BACH1: variants seen among roughly 807,000 people sequenced by gnomAD.
The protein encoded by BACH1 is BTB domain and CNC homolog 1.
A neutral mutation model predicts 52.9 loss-of-function variants in BACH1; 35 were observed. The ratio of observed to expected loss-of-function variants is 0.66; its 90% confidence interval spans 0.51 to 0.88. The LOEUF (loss-of-function observed/expected upper bound fraction) is 0.88. BACH1 is among the 40% of genes least tolerant of loss of function. BACH1 has a pLI of 0.00. For synonymous variants in BACH1, 321 were observed against 319.6 expected (o/e 1.00, Z -0.05); for missense variants, 808 against 872.6 (o/e 0.93, Z 0.93).
intron 2 of BACH1, among the ~76,000 whole-genome samples, chr21:29,353,000 ACTG>A (rs2089212421): frequency 2.0e-5 from 3 of 152,086 alleles, no homozygotes; most frequent in Admixed American, 2.0e-4. Context: ...GGCATGAGCC[ACTG>A]TGTCCAGCCT....
At chr21:29,308,890 G>A (rs2088688406) in intron 1 of BACH1, among the ~76,000 whole-genome samples, 1 of 152,146 alleles carries the variant, frequency 6.6e-6, no homozygotes, top group Admixed American at 6.5e-5. Flanking sequence ...TTTAAGTTGA[G>A]CACAGTTTAG....
intron 2 of BACH1, among the ~76,000 whole-genome samples, chr21:29,360,858 A>C (rs548973999): frequency 3.0e-4 from 45 of 151,486 alleles, no homozygotes; most frequent in East Asian, 3.9e-4. Flanking sequence ...AAAAAAAAAA[A>C]AAACAAAAAA....
At chr21:29,347,184 T>G (rs1364597221), downstream of BACH1, among the ~76,000 whole-genome samples, 2 of 152,224 alleles carry the variant, frequency 1.3e-5, no homozygotes, top group Non-Finnish European at 2.9e-5. Context: ...ATATCGCTGA[T>G]GGAACCCAGC....
At chr21:29,326,027 G>A in intron 2 of BACH1, 32 bp from the exon 3 acceptor site, 3 of 1,557,660 alleles carry the variant, frequency 1.9e-6, no homozygotes, top group Non-Finnish European at 2.6e-6. Context: ...GCTTTCAAAT[G>A]ATGTGTTTGT....
At chr21:29,336,221 A>C (rs1465468958) in intron 4 of BACH1, among the ~76,000 whole-genome samples, 1 of 152,160 alleles carries the variant, frequency 6.6e-6, no homozygotes, top group Non-Finnish European at 1.5e-5. Flanking sequence ...TAAATGTCTT[A>C]CTTTAAGTTA....
chr21:29,303,645 A>G (rs2088625733), intron 1 of BACH1, among the ~76,000 whole-genome samples: 2 of 152,236 alleles, frequency 1.3e-5, no homozygotes, highest in African/African-American at 4.8e-5. Flanking sequence ...CTCCTAAGAT[A>G]GACATAAAAC....
rs2088622458 is a variant in BACH1 at position 29,303,271 on chromosome 21, A to G, written c.-61+4318A>G. 2.6e-5 allele frequency among the ~76,000 whole-genome samples: 4 copies of G among 152,340 alleles called. No individual in the cohort carries two copies. The South Asian group carries it at 8.3e-4, about 32-fold the overall frequency. ...ACATATTTATCGTATAGCTTTTTGT[A>G]CCTGTTAGTAATTCAGAAAGGTTGT... On this transcript the variant is annotated intron_variant, in intron 1 of 4. Coordinates refer to ENST00000286800, the MANE Select transcript of BACH1 (RefSeq NM_001186.4).
chr21:29,302,799 C>T (rs977470750), intron 1 of BACH1, among the ~76,000 whole-genome samples: 2 of 152,178 alleles, frequency 1.3e-5, no homozygotes, highest in Non-Finnish European at 2.9e-5. Context: ...ACTGGAAAAA[C>T]AACCCGGGGA....
At chr21:29,310,056 A>G (rs919497971) in intron 1 of BACH1, among the ~76,000 whole-genome samples, 3 of 152,092 alleles carry the variant, frequency 2.0e-5, no homozygotes, top group Non-Finnish European at 4.4e-5. Context: ...TTAGATTTCT[A>G]TAAAATTTAA....
intron 1 of BACH1, among the ~76,000 whole-genome samples, chr21:29,313,329 A>G (rs2088749140): frequency 6.6e-6 from 1 of 152,258 alleles, no homozygotes; most frequent in Admixed American, 6.5e-5. Flanking sequence ...TGGAATTGTC[A>G]TACACTGCTG....
chr21:29,310,696 A>G (rs2088710842), intron 1 of BACH1, among the ~76,000 whole-genome samples: 1 of 152,242 alleles, frequency 6.6e-6, no homozygotes, highest in Non-Finnish European at 1.5e-5. Flanking sequence ...CAGGAAAGGA[A>G]TGATCAACTT....
rs1043269819 is a variant in BACH1 at position 29,344,935 on chromosome 21, A to G, written c.*2102A>G. ...AAGATTACCTACTATTTTATGATAA[A>G]ATGTAGTTGTCTCCAGAGCTTAAAT... On this transcript the variant is annotated 3_prime_UTR_variant, in exon 5 of 5. Coordinates refer to ENST00000286800, the MANE Select transcript of BACH1 (RefSeq NM_001186.4). The G allele has an allele frequency of 4.6e-5, 7 of 152,622 alleles. No homozygotes were observed. Among genetic ancestry groups the G allele is most frequent in the African/African-American group, 1.4e-4 (6 of 41,432 alleles). The allele number at this position is 152,622 out of a possible 1,614,324, so 9.5% of individuals were successfully genotyped here.
At chr21:29,357,119 A>G (rs1235054494) in intron 2 of BACH1, among the ~76,000 whole-genome samples, 2 of 152,212 alleles carry the variant, frequency 1.3e-5, no homozygotes, top group African/African-American at 4.8e-5. Context: ...TTAGATAAGC[A>G]TACTTGCTAT....
At chr21:29,340,986 AAG>A (rs1241596324) in intron 4 of BACH1, among the ~76,000 whole-genome samples, 2 of 151,960 alleles carry the variant, frequency 1.3e-5, no homozygotes, top group African/African-American at 2.4e-5. Context: ...AAAAAAAAAA[AAG>A]AACTTGTATA....
intron 4 of BACH1, among the ~76,000 whole-genome samples, chr21:29,334,845 C>T (rs905293655): frequency 1.3e-5 from 2 of 152,126 alleles, no homozygotes; most frequent in East Asian, 3.8e-4. Context: ...AAAAATAAAC[C>T]TGTCCTATTC....
At chr21:29,354,293 T>TCTCA (rs2089220417) in intron 2 of BACH1, among the ~76,000 whole-genome samples, 1 of 143,560 alleles carries the variant, frequency 7.0e-6, no homozygotes, top group Non-Finnish European at 1.5e-5. Flanking sequence ...GTCCAGACCT[T>TCTCA]CTCAGGTATA....
intron 4 of BACH1, among the ~76,000 whole-genome samples, chr21:29,340,898 A>G (rs1329722806): frequency 6.6e-6 from 1 of 152,206 alleles, no homozygotes; most frequent in African/African-American, 2.4e-5. Context: ...CATAAGAGAA[A>G]ATGTACTGGC....
chr21:29,327,284 C>T lies in BACH1; in HGVS notation c.1460C>T (p.Pro487Leu). ...GGAAACGATGATTATGTTTCAGAAC[C>T]CCAGCAAGAACCTTGCCCATATGCT... ...EIGNDDYVSE[P>L]QQEPCPYACV... Residue 487 changes from proline (P) to leucine (L), a missense_variant, in exon 3 of 5, where the codon CCC (proline) becomes CTC (leucine). Physicochemically the swap from Pro to Leu is moderately conservative, Grantham distance 98 (BLOSUM62 -3). Transcript: ENST00000286800. The T allele has an allele frequency of 6.2e-7, 1 of 1,614,128 alleles. No individual in the cohort carries two copies. Among genetic ancestry groups the T allele is most frequent in the Admixed American group, 1.7e-5 (1 of 60,010 alleles).
intron 2 of BACH1, among the ~76,000 whole-genome samples, chr21:29,351,240 T>C (rs772110252): frequency 6.6e-6 from 1 of 152,188 alleles, no homozygotes; most frequent in Non-Finnish European, 1.5e-5. Flanking sequence ...CATCTTGATA[T>C]GCAGGTTTCC....
Sources: allele counts gnomAD v4.1 joint callset (sites outside exome capture counted in the v4.1 genomes callset), GRCh38; gene constraint gnomAD v4.1.1; transcripts MANE v1.5; gene names NCBI Gene and HGNC (gene_info 2026-07-23, HGNC 2026-07-21).